The following CEMIP2 variants were observed in gnomAD, a reference collection of about 807,000 sequenced individuals.
CEMIP2 encodes the protein cell surface hyaluronidase CEMIP2.
CEMIP2 carries 79 observed loss-of-function variants against 146.9 expected under a neutral mutation model. That is an observed-to-expected ratio of 0.54 (90% CI 0.45 to 0.65). CEMIP2 has a LOEUF of 0.65. Among genes scored for constraint, CEMIP2 ranks in the 30% least tolerant of loss-of-function variants. The probability of loss-of-function intolerance (pLI) is 0.00; values close to 1 mark genes in which losing one functional copy is unlikely to be tolerated. For synonymous variants in CEMIP2, 601 were observed against 606.3 expected, an observed-to-expected ratio of 0.99 and a Z score of 0.13; for missense variants, 1,596 against 1,696.2, an observed-to-expected ratio of 0.94 and a Z score of 1.04.
At chr9:71,724,121 C>G (rs746380741) in intron 11 of CEMIP2, among the ~76,000 whole-genome samples, 2 of 152,030 alleles carry the variant, frequency 1.3e-5, no homozygotes, top group South Asian at 2.1e-4. Context: ...ATGGTGAAAC[C>G]CTGTCTCTAC....
Position 71,712,124 on chromosome 9 carries a change from T to A in CEMIP2, c.2728A>T (p.Thr910Ser). 1 of 1,614,040 alleles carries A rather than the reference T, an allele frequency of 6.2e-7. No individual in the cohort carries two copies. The highest frequency in any genetic ancestry group is 8.5e-7 in the Non-Finnish European group (1 of 1,179,972). ...GFLMKNSWQI[T>S]PRNNISLVKF... Reference sequence around the variant, plus strand: ...ACGAGGGAGATATTATTCCTGGGGGTTATCTGCCAGGAATTCTTCATGAGG... The same window carrying A: ...ACGAGGGAGATATTATTCCTGGGGGATATCTGCCAGGAATTCTTCATGAGG... Residue 910 changes from threonine (T) to serine (S), a missense_variant, in exon 16 of 24, where the codon ACC becomes TCC. By Grantham distance (58) the Thr-to-Ser change is moderately conservative (BLOSUM62 1). Transcript: ENST00000377044.
chr9:71,762,047 G>T (rs1824651665), intron 1 of CEMIP2, among the ~76,000 whole-genome samples: 1 of 53,406 alleles, frequency 1.9e-5, no homozygotes, highest in Non-Finnish European at 7.5e-5. Flanking sequence ...ATGGGAGGGA[G>T]GGGAGGGTGA....
intron 19 of CEMIP2, 25 bp downstream of exon 19, chr9:71,700,617 T>G (rs1373129573): frequency 5.8e-6 from 9 of 1,550,802 alleles, no homozygotes; most frequent in Non-Finnish European, 7.8e-6. Context: ...GGAATAATTC[T>G]CATTCCCTGG....
intron 3 of CEMIP2, 64 bp downstream of exon 3, chr9:71,746,137 C>T: frequency 5.1e-6 from 8 of 1,564,846 alleles, no homozygotes; most frequent in South Asian, 2.3e-5. Flanking sequence ...ACATAAGGAA[C>T]ATCAAATATC....
At chr9:71,743,697 T>C (rs1490880093) in intron 4 of CEMIP2, among the ~76,000 whole-genome samples, 1 of 152,228 alleles carries the variant, frequency 6.6e-6, no homozygotes, top group African/African-American at 2.4e-5. Context: ...AGATTAACCA[T>C]GGGCTCTGAG....
chr9:71,752,465 G>C (rs1824281577), intron 1 of CEMIP2, among the ~76,000 whole-genome samples: 4 of 115,038 alleles, frequency 3.5e-5, no homozygotes, highest in African/African-American at 6.7e-5. Context: ...CAAGAGGAAG[G>C]AAGGAAGGAA....
intron 5 of CEMIP2, among the ~76,000 whole-genome samples, chr9:71,739,527 G>A (rs562790721): frequency 6.6e-6 from 1 of 151,946 alleles, no homozygotes; most frequent in African/African-American, 2.4e-5. Context: ...CAGTCATCTT[G>A]GAGGCAGAAA....
rs147166920 is a variant in CEMIP2, at chr9:71,688,132, T to C, written c.3851+1960A>G. On this transcript the variant is annotated intron_variant, in intron 22 of 23. Coordinates refer to ENST00000377044, the MANE Select transcript of CEMIP2 (RefSeq NM_013390.3). ...ATGGCCTCCCAAAGTGCTGGGATTA[T>C]AGGCATGAGCCACTGTGCCTGAACT... Among the ~76,000 whole-genome samples, 1,111 of 152,240 alleles carry C rather than the reference T, an allele frequency of 7.3e-3. 16 individuals are homozygous for C. The highest frequency in any genetic ancestry group is 0.026 in the African/African-American group (1,068 of 41,540).
chr9:71,760,081 A>T (rs1051617648), intron 1 of CEMIP2, among the ~76,000 whole-genome samples: 4 of 151,760 alleles, frequency 2.6e-5, no homozygotes, highest in African/African-American at 4.8e-5. Flanking sequence ...TGAAAGATTT[A>T]TTTTCCTGCT....
At chr9:71,767,059 A>G (rs958407114) in intron 1 of CEMIP2, among the ~76,000 whole-genome samples, 1 of 152,246 alleles carries the variant, frequency 6.6e-6, no homozygotes, top group Non-Finnish European at 1.5e-5. Context: ...AACCCTTTGT[A>G]TAGGTAATCA....
chr9:71,755,374 C>CACACACACACACAA (rs1354578277), intron 1 of CEMIP2, among the ~76,000 whole-genome samples: 1 of 144,362 alleles, frequency 6.9e-6, no homozygotes, highest in Non-Finnish European at 1.5e-5. Flanking sequence ...CACACACACA[C>CACACACACACACAA]ACACACAAAA....
Position 71,685,230 on chromosome 9 carries a change from C to T in CEMIP2, c.4119G>A (p.Leu1373=). ...PRATTVRRRD[L]ELLKQASKAH is the part of the protein sequence containing the mutation. The stretch of plus-strand genomic sequence containing the variant: ...CTTTTGAAGCTTGCTTTAGCAGTTC[C>T]AGGTCTCTTCTGCGGACAGTGGTGG... The change falls in exon 24 of 24, where the codon CTG becomes CTA. Residue 1373 remains leucine (L), a synonymous_variant. Transcript: ENST00000377044. 3 of 1,612,080 alleles carry T rather than the reference C, an allele frequency of 1.9e-6. No homozygotes were observed. The highest frequency in any genetic ancestry group is 1.7e-6 in the Non-Finnish European group (2 of 1,179,454).
chr9:71,724,074 G>A (rs1266191958), intron 11 of CEMIP2, among the ~76,000 whole-genome samples: 2 of 152,132 alleles, frequency 1.3e-5, no homozygotes, highest in East Asian at 3.9e-4. Flanking sequence ...AAGGCAGTCA[G>A]TTCACAAGGT....
chr9:71,723,182 C>T (rs868118945), intron 11 of CEMIP2, among the ~76,000 whole-genome samples: 4 of 122,984 alleles, frequency 3.3e-5, no homozygotes, highest in South Asian at 5.2e-4. Context: ...CAAAAATGTA[C>T]GAAGGAAGGA....
chr9:71,717,761 G>C (rs968961494), intron 13 of CEMIP2, among the ~76,000 whole-genome samples, 187 bp downstream of exon 13: 3 of 152,064 alleles, frequency 2.0e-5, no homozygotes, highest in East Asian at 3.8e-4. Context: ...AAAAGCACCA[G>C]AATGAGACAA....
At chr9:71,696,689 T>C (rs1046101698) in intron 20 of CEMIP2, among the ~76,000 whole-genome samples, 1 of 152,024 alleles carries the variant, frequency 6.6e-6, no homozygotes, top group African/African-American at 2.4e-5. Context: ...GAGAATCCCT[T>C]GAACCCGGGA....
At position 71,684,911 on chromosome 9, in the gene CEMIP2, T is replaced by C. The variant is rs965263819; in HGVS notation, c.*286A>G. 4 of 330,194 alleles carry C rather than the reference T, an allele frequency of 1.2e-5. No homozygotes were observed. The highest frequency in any genetic ancestry group is 2.2e-5 in the Non-Finnish European group (4 of 183,500). The allele number at this position is 330,194 out of a possible 1,614,324, so 20.5% of individuals were successfully genotyped here. On this transcript the variant is annotated 3_prime_UTR_variant, in exon 24 of 24. Transcript: ENST00000377044. Reference sequence around the variant, plus strand: ...CCCATTATACAAAAAGTAAAAACATTGCTCATGGTCATTACAAAATACGGG... The same window carrying C: ...CCCATTATACAAAAAGTAAAAACATCGCTCATGGTCATTACAAAATACGGG...
rs925312146 is a variant in CEMIP2 at position 71,744,234 on chromosome 9, G to A, written c.1034+784C>T. Reference sequence around the variant, plus strand: ...TACAAAAAGTTTAAAAATTAGACAGGTGTGGTAGCAACTGTTTGTAGTCTC... The same window carrying A: ...TACAAAAAGTTTAAAAATTAGACAGATGTGGTAGCAACTGTTTGTAGTCTC... On this transcript the variant is annotated intron_variant, in intron 4 of 23. Coordinates refer to ENST00000377044, the MANE Select transcript of CEMIP2 (RefSeq NM_013390.3). Among the ~76,000 whole-genome samples, 9 of 152,230 alleles carry A rather than the reference G, an allele frequency of 5.9e-5. 1 individual carries two copies. The highest frequency in any genetic ancestry group is 3.9e-4 in the East Asian group (2 of 5,166).
At chr9:71,710,074 T>C (rs1456265485) in intron 16 of CEMIP2, among the ~76,000 whole-genome samples, 2 of 152,206 alleles carry the variant, frequency 1.3e-5, no homozygotes, top group Non-Finnish European at 2.9e-5. Flanking sequence ...GGCTGAGTTA[T>C]TGATAAACTC....
Sources: allele counts gnomAD v4.1 joint callset (sites outside exome capture counted in the v4.1 genomes callset), GRCh38; gene constraint gnomAD v4.1.1; transcripts MANE v1.5; gene names NCBI Gene and HGNC (gene_info 2026-07-23, HGNC 2026-07-21).